Variants in TMEM161B observed in about 807,000 individuals in gnomAD.
The protein encoded by TMEM161B is transmembrane protein 161B.
Under a neutral mutation model 61.8 loss-of-function variants are expected in TMEM161B, and 34 were observed. The observed-to-expected ratio is 0.55, with a 90% confidence interval of 0.42 to 0.73. The LOEUF is 0.73. TMEM161B is among the 30% of genes least tolerant of loss of function. The probability of loss-of-function intolerance (pLI) is 0.00; values close to 1 mark genes in which losing one functional copy is unlikely to be tolerated. For missense variants in TMEM161B, 456 were observed against 558.5 expected (o/e 0.82, Z 1.85); for synonymous variants, 167 against 192.8 (o/e 0.87, Z 1.11).
rs1348871102 is a variant in TMEM161B, at chr5:88,240,855, A to G, written c.65T>C (p.Ile22Thr). Reference sequence around the variant, plus strand: ...CCATCGAGCAAGAGAATAGTGAGGTATAATCTTCTGCATGACACTGGCCAT... The same window carrying G: ...CCATCGAGCAAGAGAATAGTGAGGTGTAATCTTCTGCATGACACTGGCCAT... ...MVMASVMQKI[I>T]PHYSLARWLL... is the part of the protein sequence containing the mutation. Residue 22 changes from isoleucine to threonine, a missense_variant, in exon 2 of 12, where the codon ATA becomes ACA. By Grantham distance (89) the Ile-to-Thr change is moderately conservative (BLOSUM62 -1). Transcript: ENST00000296595. The G allele has an allele frequency of 1.2e-6, 2 of 1,611,720 alleles. No homozygotes were observed. The highest frequency in any genetic ancestry group is 4.5e-5 in the East Asian group (2 of 44,794).
downstream of TMEM161B, among the ~76,000 whole-genome samples, chr5:88,193,077 C>T (rs150351275): frequency 8.2e-4 from 124 of 152,084 alleles, 1 homozygote; most frequent in East Asian, 0.021. Context: ...GGTCATTTTA[C>T]GCACATCAAT....
chr5:88,196,506 C>A lies in TMEM161B; in HGVS notation c.1187-18G>T. On this transcript the variant is annotated intron_variant, in intron 11 of 11. Coordinates refer to ENST00000296595, the MANE Select transcript of TMEM161B (RefSeq NM_153354.5). ...ATGATTACCTAGAAAATCAAAGACA[C>A]AAATACAATTTGAAGAGTAACTAAT... is the stretch of plus-strand genomic sequence containing the variant. 2 of 1,544,046 alleles carry A rather than the reference C, an allele frequency of 1.3e-6. No homozygotes were observed. Among genetic ancestry groups the A allele is most frequent in the South Asian group, 1.3e-5 (1 of 79,916 alleles).
intron 3 of TMEM161B, among the ~76,000 whole-genome samples, chr5:88,228,065 G>A (rs571425875): frequency 5.9e-5 from 9 of 152,256 alleles, no homozygotes; most frequent in African/African-American, 2.2e-4. Context: ...CTGAGGCCAA[G>A]AGCAGGTTAA....
chr5:88,208,071 C>T (rs936479627), intron 5 of TMEM161B, among the ~76,000 whole-genome samples: 2 of 152,102 alleles, frequency 1.3e-5, no homozygotes, highest in South Asian at 2.1e-4. Context: ...AACTGTGGGC[C>T]GGGCGCAGTG....
chr5:88,262,088 C>T (rs1755765526), intron 1 of TMEM161B, among the ~76,000 whole-genome samples: 1 of 152,062 alleles, frequency 6.6e-6, no homozygotes. Context: ...AAGAAAACAA[C>T]CTGATTTTAA....
At chr5:88,256,538 A>G (rs1459651120) in intron 1 of TMEM161B, among the ~76,000 whole-genome samples, 1 of 152,252 alleles carries the variant, frequency 6.6e-6, no homozygotes, top group Non-Finnish European at 1.5e-5. Flanking sequence ...ACTGCTACTG[A>G]GTCTTCAACA....
chr5:88,243,376 T>A (rs1753054293), intron 1 of TMEM161B, among the ~76,000 whole-genome samples: 1 of 151,894 alleles, frequency 6.6e-6, no homozygotes, highest in Non-Finnish European at 1.5e-5. Context: ...TTGCTTAGGA[T>A]AAAGGCCTCA....
At chr5:88,206,590 G>C (rs1039035292) in intron 6 of TMEM161B, 91 bp from the exon 7 acceptor site, 12 of 1,263,902 alleles carry the variant, frequency 9.5e-6, no homozygotes, top group Non-Finnish European at 1.3e-5. Flanking sequence ...TTAGAAAACA[G>C]AGCATCTTAA....
chr5:88,219,466 A>G (rs1210502613), intron 5 of TMEM161B, among the ~76,000 whole-genome samples: 6 of 152,142 alleles, frequency 3.9e-5, no homozygotes, highest in Non-Finnish European at 5.9e-5. Flanking sequence ...AACATATATA[A>G]TTTTAATAAA....
intron 5 of TMEM161B, among the ~76,000 whole-genome samples, chr5:88,211,180 GA>G (rs1448204454): frequency 3.3e-5 from 5 of 151,372 alleles, no homozygotes; most frequent in Admixed American, 3.3e-4. Flanking sequence ...ATCTGCAACA[GA>G]AAAAAAGTAA....
intron 1 of TMEM161B, among the ~76,000 whole-genome samples, chr5:88,257,115 A>G (rs1202791958): frequency 2.6e-5 from 4 of 152,142 alleles, no homozygotes; most frequent in Non-Finnish European, 5.9e-5. Flanking sequence ...GTAAAAATAC[A>G]AAAATTAGCC....
intron 1 of TMEM161B, among the ~76,000 whole-genome samples, chr5:88,243,873 G>T (rs1033360875): frequency 1.3e-5 from 2 of 151,776 alleles, no homozygotes; most frequent in African/African-American, 4.8e-5. Flanking sequence ...TCATATGTTT[G>T]TTGGCCACAT....
chr5:88,267,158 C>T (rs1756484600), intron 1 of TMEM161B, among the ~76,000 whole-genome samples: 2 of 152,106 alleles, frequency 1.3e-5, no homozygotes, highest in African/African-American at 2.4e-5. Context: ...GACTGCCAAA[C>T]TACTGTTACT....
intron 4 of TMEM161B, 96 bp downstream of exon 4, chr5:88,225,673 T>C: frequency 1.4e-6 from 1 of 693,226 alleles, no homozygotes. Flanking sequence ...AGATTCCATA[T>C]TCTCTATAAT....
intron 1 of TMEM161B, among the ~76,000 whole-genome samples, chr5:88,267,533 C>G (rs1181346725): frequency 6.6e-6 from 1 of 151,968 alleles, no homozygotes; most frequent in Non-Finnish European, 1.5e-5. Flanking sequence ...AAGCTAAATT[C>G]CAGGACAGAA....
intron 10 of TMEM161B, chr5:88,198,035 G>C (rs958990735): frequency 1.6e-5 from 4 of 248,058 alleles, no homozygotes; most frequent in Admixed American, 1.1e-4. Context: ...AGAAAATAAT[G>C]ACTAAGATTC....
At chr5:88,192,069 C>CAAA (rs5869419), downstream of TMEM161B, among the ~76,000 whole-genome samples, 17 of 90,632 alleles carry the variant, frequency 1.9e-4, no homozygotes, top group East Asian at 1.8e-3. Flanking sequence ...TTTAAAGATG[C>CAAA]AAAAAAAAAA....
intron 1 of TMEM161B, among the ~76,000 whole-genome samples, chr5:88,248,958 A>C (rs1022534832): frequency 2.0e-5 from 3 of 152,126 alleles, no homozygotes; most frequent in African/African-American, 7.2e-5. Context: ...GCCTTAACTA[A>C]GATTATGACT....
At chr5:88,208,798 A>C (rs1473963913) in intron 5 of TMEM161B, among the ~76,000 whole-genome samples, 1 of 152,248 alleles carries the variant, frequency 6.6e-6, no homozygotes, top group Non-Finnish European at 1.5e-5. Context: ...ACTATTGATT[A>C]CATTGCCTCT....
Sources: gnomAD v4.1 joint callset for allele counts (sites outside exome capture counted in the v4.1 genomes callset) on GRCh38, gnomAD v4.1.1 for gene constraint, MANE v1.5 for transcripts, NCBI Gene and HGNC (gene_info 2026-07-23, HGNC 2026-07-21) for gene names.